Variants in CYB5R2 observed in about 807,000 individuals in gnomAD.
CYB5R2 encodes NADH-cytochrome b5 reductase 2.
CYB5R2 carries 35 observed loss-of-function variants against 29.8 expected under a neutral mutation model. The ratio of observed to expected loss-of-function variants is 1.17; its 90% CI spans 0.90 to 1.56. The LOEUF (loss-of-function observed/expected upper bound fraction) is 1.56, where lower values mean the gene tolerates loss of function less well. Among genes scored for constraint, CYB5R2 ranks in the 40% most tolerant of loss-of-function variants. The pLI is 0.00. For synonymous variants in CYB5R2, 169 were observed against 130.6 expected (o/e 1.29, Z -2.01); for missense variants, 419 against 346.7 (o/e 1.21, Z -1.66).
intron 7 of CYB5R2, 74 bp downstream of exon 7, chr11:7,667,654 G>A (rs1590868506): frequency 7.3e-7 from 1 of 1,365,322 alleles, no homozygotes; most frequent in East Asian, 2.3e-5. Flanking sequence ...CTCAGTCAAT[G>A]CAGGAGAAAT....
chr11:7,668,727 G>C (rs776206730), intron 5 of CYB5R2, 166 bp from the exon 6 acceptor site: 1 of 664,502 alleles, frequency 1.5e-6, no homozygotes, highest in Non-Finnish European at 2.7e-6. Flanking sequence ...AGCTAGCCCT[G>C]GTGCTCCAGT....
chr11:7,668,768 T>G lies in CYB5R2; in HGVS notation c.389-207A>C, dbSNP rs984554047. ...AAGTGGGAATAGAGCCTGGGCTTGGTCGGGGAATCGCCGGGCCTTCTGTTC... is the reference window on the plus strand; with the variant it reads ...AAGTGGGAATAGAGCCTGGGCTTGGGCGGGGAATCGCCGGGCCTTCTGTTC... On this transcript the variant is annotated intron_variant, in intron 5 of 8. Transcript: ENST00000299498. 1.1e-5 allele frequency: 7 copies of G among 612,282 alleles called. No homozygotes were observed. In the African/African-American group the frequency reaches 1.3e-4, roughly 11 times the overall value. 37.9% of individuals were successfully genotyped at this position (612,282 alleles called of 1,614,324 possible). A position where few individuals can be genotyped will look rare whatever the true frequency, so the allele number is the denominator to read the frequency against.
intron 3 of CYB5R2, 128 bp downstream of exon 3, chr11:7,672,323 C>A: frequency 1.4e-6 from 1 of 736,752 alleles, no homozygotes; most frequent in Non-Finnish European, 2.3e-6. Context: ...TCCCTGAGCT[C>A]ACAGGCTCAG....
At position 7,665,182 on chromosome 11, in the gene CYB5R2, AGG is replaced by A. The variant is rs1855027400; in HGVS notation, c.*190_*191del. 1.0e-5 allele frequency: 5 copies of A among 478,940 alleles called. No homozygotes were observed. The South Asian group carries it at 2.1e-4, about 20-fold the overall frequency. The allele number at this position is 478,940 out of a possible 1,614,324, so 29.7% of individuals were successfully genotyped here. On this transcript the variant is annotated 3_prime_UTR_variant, in exon 9 of 9. Transcript: ENST00000299498. ...AGCTCTTTCCAGCCTCCAAGCAAGGAGGCCCCAGCAGCCAGTCTCCAGCCCCT... is the reference window on the plus strand; with the variant it reads ...AGCTCTTTCCAGCCTCCAAGCAAGGACCCCAGCAGCCAGTCTCCAGCCCCT...
At chr11:7,671,836 C>T (rs1001408757) in intron 3 of CYB5R2, 2 of 152,326 alleles carry the variant, frequency 1.3e-5, no homozygotes, top group South Asian at 2.1e-4. Context: ...AATGGGATAA[C>T]TCAACTCTAG....
chr11:7,665,852 G>T (rs1057079345), intron 8 of CYB5R2: 12 of 1,536,032 alleles, frequency 7.8e-6, no homozygotes, highest in African/African-American at 2.7e-5. Flanking sequence ...AGTACAGCCA[G>T]CTGGAGTTGT....
At chr11:7,666,079 A>G (rs1464876727) in intron 8 of CYB5R2, 2 of 658,842 alleles carry the variant, frequency 3.0e-6, no homozygotes, top group African/African-American at 1.8e-5. Context: ...GTGGGCGGTA[A>G]GGGGTGTGGT....
At chr11:7,672,262 G>A in intron 3 of CYB5R2, 189 bp downstream of exon 3, 1 of 580,928 alleles carries the variant, frequency 1.7e-6, no homozygotes, top group South Asian at 2.2e-5. Flanking sequence ...AGCCCAATTG[G>A]AATAATGAAG....
intron 3 of CYB5R2, chr11:7,670,654 T>C (rs1378422222): frequency 6.6e-6 from 1 of 152,188 alleles, no homozygotes; most frequent in Non-Finnish European, 1.5e-5. Flanking sequence ...CTGGGTAGAA[T>C]TCAATAAACC....
chr11:7,672,145 A>C, intron 3 of CYB5R2: 3 of 362,410 alleles, frequency 8.3e-6, no homozygotes, highest in Non-Finnish European at 1.5e-5. Context: ...AGAGAGATTG[A>C]AGGACTTCCC....
intron 1 of CYB5R2, 46 bp from the exon 2 acceptor site, chr11:7,672,937 T>C: frequency 6.4e-7 from 1 of 1,565,924 alleles, no homozygotes; most frequent in Non-Finnish European, 8.7e-7. Context: ...TTGCCCGCCC[T>C]GGACAGGGCA....
In CYB5R2 at chr11:7,665,115, T is replaced by G; in HGVS notation, c.*259A>C. On this transcript the variant is annotated 3_prime_UTR_variant, in exon 9 of 9. Transcript: ENST00000299498. ...CTTCATGGGCTGTCTGCTTTGTACT[T>G]GAGTTTATTTCACAAAACCACGGAG... 3.0e-6 allele frequency: 1 copy of G among 338,014 alleles called. No homozygotes were observed. Among genetic ancestry groups the G allele is most frequent in the Admixed American group, 4.5e-5 (1 of 22,038 alleles). 20.9% of individuals were successfully genotyped at this position (338,014 alleles called of 1,614,324 possible). A position where few individuals can be genotyped will look rare whatever the true frequency, so the allele number is the denominator to read the frequency against.
chr11:7,667,644 C>T (rs1855388712), intron 7 of CYB5R2, 84 bp downstream of exon 7: 1 of 1,291,178 alleles, frequency 7.7e-7, no homozygotes, highest in East Asian at 2.3e-5. Context: ...GCAGCATGAG[C>T]TCAGTCAATG....
At position 7,672,873 on chromosome 11, in the gene CYB5R2, T is replaced by C. The variant is rs372848157; in HGVS notation, c.-48A>G. 60 of 1,613,596 alleles carry C rather than the reference T, an allele frequency of 3.7e-5. No individual in the cohort carries two copies. The Middle Eastern group carries it at 4.9e-4, about 13-fold the overall frequency. On this transcript the variant is annotated 5_prime_UTR_variant, in exon 2 of 9. Transcript: ENST00000299498. ...ACAGTGACCCCAGTGACGGTGATGG[T>C]CAGGAGCAGGGACGGGTCCTGGCAG...
Position 7,672,533 on chromosome 11 carries a change from C to T in CYB5R2, c.79-10G>A. 6.2e-7 allele frequency: 1 copy of T among 1,613,918 alleles called. No homozygotes were observed. The highest frequency in any genetic ancestry group is 8.5e-7 in the Non-Finnish European group (1 of 1,179,836). Reference sequence around the variant, plus strand: ...TGTTGTGGCTGATTTTCTGATAAAACAAAACATAGGCAGGTTCTGTCAGCT... The same window carrying T: ...TGTTGTGGCTGATTTTCTGATAAAATAAAACATAGGCAGGTTCTGTCAGCT... On this transcript the variant is annotated splice_polypyrimidine_tract_variant and intron_variant, in intron 2 of 8. Transcript: ENST00000299498.
chr11:7,672,463 C>T lies in CYB5R2; in HGVS notation c.139G>A (p.Gly47Arg). Reference sequence around the variant, plus strand: ...AAGCCCGGCTCACCTACAGGAAGCCCTAAGACATGGTCCGGCGAAGGCAGT... The same window carrying T: ...AAGCCCGGCTCACCTACAGGAAGCCTTAAGACATGGTCCGGCGAAGGCAGT... ...FGLPSPDHVL[G>R]LPVGNYVQLL... Residue 47 changes from glycine (G) to arginine (R), a missense_variant, in exon 3 of 9, where the codon GGG becomes AGG. Coordinates refer to ENST00000299498, the MANE Select transcript of CYB5R2 (RefSeq NM_016229.5). 1 of 1,614,186 alleles carries T rather than the reference C, an allele frequency of 6.2e-7. No individual in the cohort carries two copies. The highest frequency in any genetic ancestry group is 8.5e-7 in the Non-Finnish European group (1 of 1,180,024).
intron 5 of CYB5R2, chr11:7,668,771 G>A: frequency 1.6e-6 from 1 of 608,990 alleles, no homozygotes; most frequent in South Asian, 1.9e-5. Context: ...GGCTTGGTCG[G>A]GGAATCGCCG....
At chr11:7,668,898 G>A in intron 5 of CYB5R2, 2 of 583,712 alleles carry the variant, frequency 3.4e-6, no homozygotes, top group South Asian at 1.9e-5. Context: ...AGTAACCAAG[G>A]AGCATGGACT....
At chr11:7,666,615 C>G in intron 7 of CYB5R2, 65 bp from the exon 8 acceptor site, 1 of 1,192,138 alleles carries the variant, frequency 8.4e-7, no homozygotes, top group Non-Finnish European at 1.2e-6. Context: ...GGACTGACTA[C>G]ACCGGTCAGC....
Sources: allele counts gnomAD v4.1 joint callset, GRCh38; gene constraint gnomAD v4.1.1; transcripts MANE v1.5; gene names NCBI Gene and HGNC (gene_info 2026-07-23, HGNC 2026-07-21).